The following RFX4 variants were observed in gnomAD, a reference collection of about 807,000 sequenced individuals.
The protein encoded by RFX4 is regulatory factor X4.
In RFX4, 10 loss-of-function variants were observed where a neutral mutation model predicts 95.0. The ratio of observed to expected loss-of-function variants is 0.11; its 90% confidence interval spans 0.06 to 0.18. The LOEUF is 0.18. Ranked by LOEUF, RFX4 falls within the 10% of genes least tolerant of loss-of-function variation. The pLI is 1.00. For synonymous variants in RFX4, 321 were observed against 340.7 expected (o/e 0.94, Z 0.64); for missense variants, 640 against 922.0 (o/e 0.69, Z 3.96).
chr12:106,661,734 C>T (rs1314467212), intron 4 of RFX4, among the ~76,000 whole-genome samples: 5 of 152,200 alleles, frequency 3.3e-5, no homozygotes, highest in Non-Finnish European at 4.4e-5. Context: ...CTCCCTGTCC[C>T]CTAACCCCTG....
intron 4 of RFX4, among the ~76,000 whole-genome samples, chr12:106,681,578 G>A (rs1024997418): frequency 4.6e-5 from 7 of 152,242 alleles, no homozygotes; most frequent in Non-Finnish European, 8.8e-5. Context: ...GTGTGGCTGG[G>A]ATCTGGTGAG....
chr12:106,694,976 G>A (rs2041852669), intron 7 of RFX4, among the ~76,000 whole-genome samples: 1 of 152,144 alleles, frequency 6.6e-6, no homozygotes, highest in Admixed American at 6.5e-5. Context: ...GGCGGAGGTT[G>A]CAGTGAGCCG....
In RFX4 at chr12:106,598,184, C is replaced by T. The variant is rs184398920; in HGVS notation, c.44-10613C>T. Among the ~76,000 whole-genome samples the T allele has an allele frequency of 4.1e-3, 622 of 152,246 alleles. 3 individuals are homozygous for T. Among genetic ancestry groups the T allele is most frequent in the Middle Eastern group, 0.024 (7 of 294 alleles). On this transcript the variant is annotated intron_variant, in intron 1 of 17. Transcript: ENST00000392842. ...CATTGGTAATTAGTCACTAATCCCA[C>T]CTGGTAACTTTTCCTTCTTCTAAGT...
At chr12:106,745,568 C>T (rs1032061759) in intron 15 of RFX4, among the ~76,000 whole-genome samples, 2 of 152,240 alleles carry the variant, frequency 1.3e-5, no homozygotes, top group African/African-American at 4.8e-5. Flanking sequence ...CTTCCTCCCA[C>T]TACTCCATAT....
intron 4 of RFX4, among the ~76,000 whole-genome samples, chr12:106,670,010 A>G (rs1384166603): frequency 6.6e-6 from 1 of 152,132 alleles, no homozygotes; most frequent in Non-Finnish European, 1.5e-5. Context: ...CATCTGTAAA[A>G]TGGAATATTG....
At chr12:106,672,869 G>A (rs1410937565) in intron 4 of RFX4, among the ~76,000 whole-genome samples, 2 of 151,902 alleles carry the variant, frequency 1.3e-5, no homozygotes, top group Non-Finnish European at 2.9e-5. Flanking sequence ...AGTGGGAAAA[G>A]TCTTGACCTG....
At chr12:106,663,475 C>T (rs1048084687) in intron 4 of RFX4, among the ~76,000 whole-genome samples, 1 of 151,678 alleles carries the variant, frequency 6.6e-6, no homozygotes, top group African/African-American at 2.4e-5. Flanking sequence ...TTTGGATTTT[C>T]TACTTGGACA....
Position 106,696,373 on chromosome 12 carries a change from G to C in RFX4, c.760G>C (p.Val254Leu), listed in dbSNP as rs759576190. The part of the protein sequence containing the change: ...GSSTVVNIVG[V>L]CDSILYKAIS... ...CTCCACGGTGGTGAACATTGTCGGC[G>C]TGTGTGACTCCATCCTCTACAAAGC... Residue 254 changes from valine to leucine, a missense_variant, in exon 8 of 18, where the codon GTG becomes CTG. By Grantham distance (32) the Val-to-Leu change is conservative. Coordinates refer to ENST00000392842, the MANE Select transcript of RFX4 (RefSeq NM_213594.3). 2.5e-6 allele frequency: 4 copies of C among 1,614,148 alleles called. No individual in the cohort carries two copies. In the Middle Eastern group the frequency reaches 4.9e-4, roughly 200 times the overall value.
rs774898849 is a variant in RFX4, at chr12:106,711,457, G to A, written c.939G>A (p.Ser313=). 5.0e-6 allele frequency: 8 copies of A among 1,613,558 alleles called. No individual in the cohort carries two copies. Among genetic ancestry groups the A allele is most frequent in the South Asian group, 3.3e-5 (3 of 91,052 alleles). The change falls in exon 10 of 18, where the codon TCG becomes TCA. Residue 313 remains serine (S), a synonymous_variant. Coordinates refer to ENST00000392842, the MANE Select transcript of RFX4 (RefSeq NM_213594.3). ...CTAATTCTTTTCTCCTTGCAGTGTC[G>A]AGAAGGTTCTCCCAAATTCTGAGAC... ...ENLRNIKFEL[S]RRFSQILRRQ... is the part of the protein sequence containing the mutation.
chr12:106,649,942 A>G (rs971256981), intron 3 of RFX4, among the ~76,000 whole-genome samples: 1 of 152,178 alleles, frequency 6.6e-6, no homozygotes, highest in African/African-American at 2.4e-5. Flanking sequence ...CCATTGCTTC[A>G]GTTCATGCCC....
chr12:106,642,625 A>G (rs987650914), intron 3 of RFX4, among the ~76,000 whole-genome samples: 1 of 152,170 alleles, frequency 6.6e-6, no homozygotes, highest in Non-Finnish European at 1.5e-5. Flanking sequence ...ATTTAAAAAA[A>G]CAACTAATGA....
At chr12:106,614,557 G>A (rs2040032699) in intron 2 of RFX4, among the ~76,000 whole-genome samples, 1 of 149,394 alleles carries the variant, frequency 6.7e-6, no homozygotes, top group Admixed American at 6.8e-5. Flanking sequence ...TGCCCAGGCT[G>A]GAGTGCAGTG....
intron 8 of RFX4, among the ~76,000 whole-genome samples, chr12:106,700,581 T>C (rs2041969156): frequency 1.3e-5 from 2 of 151,456 alleles, no homozygotes; most frequent in South Asian, 4.2e-4. Context: ...TAATTTTTTG[T>C]ATTTTTAGTA....
At chr12:106,679,456 G>GA (rs1370524998) in intron 4 of RFX4, among the ~76,000 whole-genome samples, 49 of 128,640 alleles carry the variant, frequency 3.8e-4, no homozygotes, top group South Asian at 1.0e-3. Flanking sequence ...CTCTGTCTCA[G>GA]AAAAAAACAA....
intron 9 of RFX4, among the ~76,000 whole-genome samples, chr12:106,710,680 G>C (rs1277195443): frequency 6.6e-6 from 1 of 152,206 alleles, no homozygotes; most frequent in African/African-American, 2.4e-5. Flanking sequence ...CCTTCCACCT[G>C]TGTGTGTCTG....
chr12:106,761,278 C>G lies in RFX4; in HGVS notation c.2017C>G (p.Pro673Ala). The G allele has an allele frequency of 3.7e-6, 6 of 1,614,162 alleles. No individual in the cohort carries two copies. Among genetic ancestry groups the G allele is most frequent in the Non-Finnish European group, 5.1e-6 (6 of 1,180,022 alleles). Residue 673 changes from proline to alanine, a missense_variant, in exon 18 of 18, where the codon CCC (proline) becomes GCC (alanine). Transcript: ENST00000392842. ...TPRLHPTPVTPRWPEVPSANT... is the reference protein window; with the variant it reads ...TPRLHPTPVTARWPEVPSANT... ...CAGACTGCATCCTACCCCAGTCACT[C>G]CCCGCTGGCCAGAGGTGCCCTCAGC... is the stretch of plus-strand genomic sequence containing the variant.
At chr12:106,742,531 G>A (rs1234368700) in intron 15 of RFX4, among the ~76,000 whole-genome samples, 1 of 152,158 alleles carries the variant, frequency 6.6e-6, no homozygotes, top group East Asian at 1.9e-4. Context: ...GTGACAGGAG[G>A]CAGTATGTTA....
At chr12:106,685,584 G>A (rs1489085341) in intron 5 of RFX4, among the ~76,000 whole-genome samples, 7 of 151,550 alleles carry the variant, frequency 4.6e-5, no homozygotes, top group Non-Finnish European at 1.0e-4. Context: ...ATTCCCAGAT[G>A]TTCTAAATCA....
chr12:106,679,284 C>G (rs1265791970), intron 4 of RFX4, among the ~76,000 whole-genome samples: 2 of 152,058 alleles, frequency 1.3e-5, no homozygotes, highest in Non-Finnish European at 2.9e-5. Context: ...ATGGCGAAAC[C>G]CTGTCTCTAC....
Sources: gnomAD v4.1 joint callset for allele counts (sites outside exome capture counted in the v4.1 genomes callset) on GRCh38, gnomAD v4.1.1 for gene constraint, MANE v1.5 for transcripts, NCBI Gene and HGNC (gene_info 2026-07-23, HGNC 2026-07-21) for gene names.